The following STK32B variants were observed in gnomAD, a reference collection of about 807,000 sequenced individuals.
STK32B encodes serine/threonine kinase 32B, also known as serine/threonine-protein kinase 32B.
In STK32B, 43 loss-of-function variants were observed where a neutral mutation model predicts 52.6. The observed-to-expected ratio is 0.82, with a 90% CI of 0.64 to 1.05. The LOEUF is 1.05. Ranked by LOEUF, STK32B falls within the 50% of genes least tolerant of loss-of-function variation. The probability of loss-of-function intolerance (pLI) is 0.00; values close to 1 mark genes in which losing one functional copy is unlikely to be tolerated. For synonymous variants in STK32B, 238 were observed against 204.3 expected, an observed-to-expected ratio of 1.17 and a Z score of -1.41; for missense variants, 621 against 534.6, an observed-to-expected ratio of 1.16 and a Z score of -1.59.
intron 4 of STK32B, among the ~76,000 whole-genome samples, chr4:5,346,316 A>G (rs17183): frequency 0.36 from 54,223 of 152,026 alleles, 12,903 homozygotes; most frequent in African/African-American, 0.68. Context: ...AGCAGTGTAC[A>G]TGAAGGAATG....
intron 3 of STK32B, among the ~76,000 whole-genome samples, chr4:5,186,846 A>C (rs1720781576): frequency 6.6e-6 from 1 of 152,224 alleles, no homozygotes; most frequent in African/African-American, 2.4e-5. Context: ...ACTTCATCTT[A>C]TGCTTTAAAG....
intron 3 of STK32B, among the ~76,000 whole-genome samples, chr4:5,180,471 G>C (rs1720268181): frequency 6.6e-6 from 1 of 152,164 alleles, no homozygotes. Flanking sequence ...AGGCTGTCTG[G>C]CTTCATGGTC....
chr4:5,191,273 CA>C (rs1388567006), intron 3 of STK32B, among the ~76,000 whole-genome samples: 11 of 147,440 alleles, frequency 7.5e-5, no homozygotes, highest in African/African-American at 2.8e-4. Context: ...TTTTTTGAGA[CA>C]GAGTCTCGCT....
At chr4:5,495,347 A>G (rs965375177) in intron 11 of STK32B, among the ~76,000 whole-genome samples, 1 of 151,704 alleles carries the variant, frequency 6.6e-6, no homozygotes. Flanking sequence ...CGCTGATACC[A>G]TTTCTTCCAG....
chr4:5,325,339 TC>T (rs1731802311), intron 3 of STK32B, among the ~76,000 whole-genome samples: 1 of 149,870 alleles, frequency 6.7e-6, no homozygotes, highest in African/African-American at 2.5e-5. Context: ...GTTTTTTTTT[TC>T]CACATCAGCT....
At chr4:5,056,023 C>T (rs1026508432) in intron 1 of STK32B, among the ~76,000 whole-genome samples, 1 of 152,172 alleles carries the variant, frequency 6.6e-6, no homozygotes, top group Non-Finnish European at 1.5e-5. Context: ...TCTGTAGGAA[C>T]TGGGCCATCA....
intron 1 of STK32B, among the ~76,000 whole-genome samples, chr4:5,071,649 TC>T (rs1242632848): frequency 2.0e-5 from 3 of 152,296 alleles, no homozygotes; most frequent in Admixed American, 1.3e-4. Flanking sequence ...CCATCAATCT[TC>T]CTGGAGAATC....
intron 4 of STK32B, among the ~76,000 whole-genome samples, chr4:5,377,566 T>C (rs1735661394): frequency 6.6e-6 from 1 of 152,214 alleles, no homozygotes; most frequent in South Asian, 2.1e-4. Flanking sequence ...AGTGATATGG[T>C]TCGCCTCTAT....
At chr4:5,464,735 C>T (rs960590949) in intron 9 of STK32B, among the ~76,000 whole-genome samples, 1 of 152,160 alleles carries the variant, frequency 6.6e-6, no homozygotes, top group Non-Finnish European at 1.5e-5. Flanking sequence ...CAAGGTTAGG[C>T]AACTTGCCCA....
At chr4:5,177,921 T>C (rs755246879) in intron 3 of STK32B, among the ~76,000 whole-genome samples, 41 of 152,230 alleles carry the variant, frequency 2.7e-4, no homozygotes, top group Non-Finnish European at 5.1e-4. Context: ...CCCAGCTGTT[T>C]TCACAGGCTG....
intron 4 of STK32B, among the ~76,000 whole-genome samples, chr4:5,375,617 A>G (rs372417637): frequency 1.1e-4 from 17 of 151,478 alleles, no homozygotes; most frequent in African/African-American, 3.9e-4. Context: ...ATCTTCTCCT[A>G]CCTCTCTGAG....
chr4:5,205,718 G>C (rs1352206702), intron 3 of STK32B, among the ~76,000 whole-genome samples: 1 of 152,168 alleles, frequency 6.6e-6, no homozygotes, highest in African/African-American at 2.4e-5. Context: ...GTGTGTGTGT[G>C]TGTGTGTGTG....
intron 6 of STK32B, among the ~76,000 whole-genome samples, chr4:5,418,654 G>A (rs1197961405): frequency 6.6e-6 from 1 of 152,212 alleles, no homozygotes; most frequent in Non-Finnish European, 1.5e-5. Context: ...CTAACCACTG[G>A]GATGAGGAGT....
At chr4:5,254,566 T>A (rs549008447) in intron 3 of STK32B, among the ~76,000 whole-genome samples, 1 of 152,206 alleles carries the variant, frequency 6.6e-6, no homozygotes, top group Non-Finnish European at 1.5e-5. Flanking sequence ...TAATATGCCA[T>A]GTATTCATTA....
intron 1 of STK32B, among the ~76,000 whole-genome samples, chr4:5,078,299 T>C (rs985921831): frequency 1.3e-5 from 2 of 152,050 alleles, no homozygotes; most frequent in African/African-American, 2.4e-5. Context: ...AAGGATTCAC[T>C]CTCTAGAACT....
At chr4:5,252,972 A>C (rs1375134691) in intron 3 of STK32B, among the ~76,000 whole-genome samples, 1 of 152,052 alleles carries the variant, frequency 6.6e-6, no homozygotes, top group Non-Finnish European at 1.5e-5. Flanking sequence ...TGTCTCTTCT[A>C]ATCCTTCTGC....
chr4:5,179,138 A>G (rs115286577), intron 3 of STK32B, among the ~76,000 whole-genome samples: 4,384 of 152,362 alleles, frequency 0.029, 114 homozygotes, highest in Non-Finnish European at 0.041. Flanking sequence ...GCAGAAGGCA[A>G]AGGAGAAGCA....
chr4:5,209,804 A>G (rs1228175615), intron 3 of STK32B, among the ~76,000 whole-genome samples: 2 of 152,158 alleles, frequency 1.3e-5, no homozygotes, highest in Admixed American at 6.5e-5. Context: ...CATTTGAGAA[A>G]GTAGGTTGGA....
chr4:5,351,482 A>ATAAC (rs1262251649), intron 4 of STK32B, among the ~76,000 whole-genome samples: 7 of 152,092 alleles, frequency 4.6e-5, no homozygotes, highest in Admixed American at 6.5e-5. Context: ...AGGGAAGTTT[A>ATAAC]TAACAATAAA....
Sources: allele counts gnomAD v4.1 joint callset (sites outside exome capture counted in the v4.1 genomes callset), GRCh38; gene constraint gnomAD v4.1.1; transcripts MANE v1.5; gene names NCBI Gene and HGNC (gene_info 2026-07-23, HGNC 2026-07-21).